PRELID2: variants seen among roughly 807,000 people sequenced by gnomAD.
PRELID2 encodes the protein PRELI domain containing 2.
In PRELID2, 25 loss-of-function variants were observed where a neutral mutation model predicts 28.4. The observed-to-expected ratio is 0.88, with a 90% CI of 0.64 to 1.23. PRELID2 has a LOEUF of 1.23. Among genes scored for constraint, PRELID2 ranks in the 50% most tolerant of loss-of-function variants. PRELID2 has a pLI of 0.00. For missense variants in PRELID2, 201 were observed against 214.4 expected (o/e 0.94, Z 0.39); for synonymous variants, 76 against 71.6 (o/e 1.06, Z -0.31).
the PRELID2 span, among the ~76,000 whole-genome samples, chr5:145,455,700 G>A: frequency 1.3e-5 from 2 of 152,142 alleles, no homozygotes; most frequent in South Asian, 4.1e-4. Flanking sequence ...TATTCTGTTT[G>A]TAGCAATTGT....
intron 1 of PRELID2, among the ~76,000 whole-genome samples, chr5:145,623,968 C>T (rs143851264): frequency 2.2e-3 from 338 of 152,074 alleles, no homozygotes; most frequent in African/African-American, 7.0e-3. Context: ...GTCGCCAGTA[C>T]GTCAGATGAC....
intron 1 of PRELID2, 76 bp downstream of exon 1, chr5:145,835,101 G>T: frequency 9.8e-7 from 1 of 1,017,828 alleles, no homozygotes; most frequent in Non-Finnish European, 1.5e-6. Flanking sequence ...GCCAGCTTCC[G>T]CGTGGATGAA....
intron 1 of PRELID2, among the ~76,000 whole-genome samples, chr5:145,502,629 A>C (rs1362463147): frequency 2.5e-4 from 38 of 152,100 alleles, no homozygotes. Flanking sequence ...GAATGTTGAG[A>C]TCTTTGAGGG....
intron 1 of PRELID2, among the ~76,000 whole-genome samples, chr5:145,690,115 G>C (rs934303424): frequency 6.6e-6 from 1 of 150,762 alleles, no homozygotes; most frequent in Non-Finnish European, 1.5e-5. Context: ...TCAGCCTCTT[G>C]AGTAGCTGAG....
At chr5:145,630,605 T>C (rs564547565) in intron 1 of PRELID2, among the ~76,000 whole-genome samples, 24 of 152,254 alleles carry the variant, frequency 1.6e-4, no homozygotes, top group Non-Finnish European at 2.8e-4. Flanking sequence ...TTAGCCAAGA[T>C]AAGAAAAGCC....
the PRELID2 span, among the ~76,000 whole-genome samples, chr5:145,242,775 T>C: frequency 6.6e-6 from 1 of 152,012 alleles, no homozygotes; most frequent in Non-Finnish European, 1.5e-5. Context: ...ATGCCAGAAA[T>C]GTAAAATGTT....
intron 1 of PRELID2, among the ~76,000 whole-genome samples, chr5:145,537,430 C>T (rs1304061816): frequency 6.6e-6 from 1 of 151,844 alleles, no homozygotes; most frequent in Non-Finnish European, 1.5e-5. Context: ...AGTTTACAAT[C>T]CCACTAAACA....
chr5:145,708,652 A>G (rs1755610878), intron 1 of PRELID2, among the ~76,000 whole-genome samples: 1 of 152,228 alleles, frequency 6.6e-6, no homozygotes, highest in Non-Finnish European at 1.5e-5. Context: ...AAAAGCTAGA[A>G]GATGTGTTTT....
Position 145,820,008 on chromosome 5 carries a change from T to C in PRELID2, c.144A>G (p.Thr48=), listed in dbSNP as rs577387442. The change falls in exon 3 of 7, where the codon ACA becomes ACG. Residue 48 remains threonine (T), a synonymous_variant. Transcript: ENST00000683046. ...KIMEEKRDES[T]GVIYRKRIAI... The stretch of plus-strand genomic sequence containing the variant: ...CAATCCTCTTTCTGTAGATGACCCC[T>C]GTTGATTCATCTAAAAAAGAAATTT... The C allele has an allele frequency of 1.3e-5, 21 of 1,583,214 alleles. No homozygotes were observed. In the African/African-American group the frequency reaches 2.6e-4, roughly 20 times the overall value.
chr5:145,323,258 C>G, the PRELID2 span, among the ~76,000 whole-genome samples: 1 of 151,496 alleles, frequency 6.6e-6, no homozygotes, highest in African/African-American at 2.4e-5. Context: ...CTAAGAGTGA[C>G]TGGAGCACAG....
chr5:145,381,278 A>G, the PRELID2 span, among the ~76,000 whole-genome samples: 2 of 152,342 alleles, frequency 1.3e-5, no homozygotes, highest in Admixed American at 1.3e-4. Flanking sequence ...TCTGAATTAA[A>G]TTGTGAGAGA....
intron 4 of PRELID2, among the ~76,000 whole-genome samples, chr5:145,800,671 A>G (rs1428874193): frequency 6.6e-6 from 1 of 152,160 alleles, no homozygotes; most frequent in Non-Finnish European, 1.5e-5. Flanking sequence ...TCCTCAGAAA[A>G]GCACTCTTGG....
intron 1 of PRELID2, among the ~76,000 whole-genome samples, chr5:145,638,858 T>C (rs1456014301): frequency 2.0e-5 from 3 of 152,254 alleles, no homozygotes; most frequent in Non-Finnish European, 4.4e-5. Flanking sequence ...TCCTATCTTG[T>C]TCTGTAATGA....
Position 145,741,985 on chromosome 5 carries a change from ATAAATTTATT to A in PRELID2, n.70+22936_70+22945del, listed in dbSNP as rs1561568896. Reference sequence around the variant, plus strand: ...AAATAAATAAATTTATTTAATTATAATAAATTTATTATAAATAATAAATTTATTATAAGTA... The same window carrying A: ...AAATAAATAAATTTATTTAATTATAAATAAATAATAAATTTATTATAAGTA... On this transcript the variant is annotated intron_variant and non_coding_transcript_variant, in intron 1 of 2. Transcript: ENST00000510259. 1.1e-4 allele frequency among the ~76,000 whole-genome samples: 4 copies of A among 35,694 alleles called. No individual in the cohort carries two copies. The East Asian group carries it at 3.1e-3, about 27-fold the overall frequency. The allele number at this position is 35,694 out of a possible 152,430, so 23.4% of individuals were successfully genotyped here.
the PRELID2 span, among the ~76,000 whole-genome samples, chr5:145,235,566 A>G: frequency 6.6e-6 from 1 of 152,116 alleles, no homozygotes; most frequent in Non-Finnish European, 1.5e-5. Flanking sequence ...AATGAGAACA[A>G]TGTGTCTGTG....
At chr5:145,416,886 C>A in the PRELID2 span, among the ~76,000 whole-genome samples, 1 of 151,930 alleles carries the variant, frequency 6.6e-6, no homozygotes, top group African/African-American at 2.4e-5. Context: ...AAAGTCTCAT[C>A]TGAGTCAAAG....
intron 5 of PRELID2, among the ~76,000 whole-genome samples, chr5:145,787,200 C>T (rs1389107390): frequency 6.6e-6 from 1 of 152,198 alleles, no homozygotes; most frequent in Non-Finnish European, 1.5e-5. Context: ...GAGAGCTCTG[C>T]ATTTCCACAG....
the PRELID2 span, among the ~76,000 whole-genome samples, chr5:145,419,819 G>C: frequency 6.6e-6 from 1 of 151,892 alleles, no homozygotes; most frequent in Non-Finnish European, 1.5e-5. Flanking sequence ...CCTATGTCCT[G>C]AATGGTAATG....
chr5:145,589,050 G>T (rs181716830), intron 1 of PRELID2, among the ~76,000 whole-genome samples: 1 of 152,242 alleles, frequency 6.6e-6, no homozygotes, highest in East Asian at 1.9e-4. Context: ...GAGGGAGAAA[G>T]AGAAAGCTAG....
Sources: allele counts gnomAD v4.1 joint callset (sites outside exome capture counted in the v4.1 genomes callset), GRCh38; gene constraint gnomAD v4.1.1; transcripts MANE v1.5; gene names NCBI Gene and HGNC (gene_info 2026-07-23, HGNC 2026-07-21).